The following CSMD2 variants were observed in gnomAD, a reference collection of about 807,000 sequenced individuals.
CSMD2 encodes CUB and sushi domain-containing protein 2.
CSMD2 carries 130 observed loss-of-function variants against 398.5 expected under a neutral mutation model. The ratio of observed to expected loss-of-function variants is 0.33; its 90% CI spans 0.28 to 0.38. CSMD2 has a LOEUF of 0.38. CSMD2 is among the 10% of genes least tolerant of loss of function. The probability of loss-of-function intolerance (pLI) is 1.00; values close to 1 mark genes in which losing one functional copy is unlikely to be tolerated. For synonymous variants in CSMD2, 1,828 were observed against 1,908.5 expected (o/e 0.96, Z 1.10); for missense variants, 3,829 against 4,764.9 (o/e 0.80, Z 5.78).
chr1:33,822,181 G>A (rs776623317), intron 7 of CSMD2, among the ~76,000 whole-genome samples: 9 of 152,168 alleles, frequency 5.9e-5, no homozygotes, highest in Non-Finnish European at 1.3e-4. Flanking sequence ...AGGACAACAA[G>A]AGCCTGGAGT....
At chr1:33,833,249 T>A (rs1430865030) in intron 6 of CSMD2, among the ~76,000 whole-genome samples, 2 of 98,260 alleles carry the variant, frequency 2.0e-5, no homozygotes, top group African/African-American at 4.8e-5. Flanking sequence ...GCAAAAATCC[T>A]CAATAAAATA....
intron 3 of CSMD2, among the ~76,000 whole-genome samples, chr1:34,031,449 G>C (rs1300932001): frequency 1.3e-5 from 2 of 152,106 alleles, no homozygotes; most frequent in Non-Finnish European, 2.9e-5. Context: ...GGAGCCCTCA[G>C]TTAAGGTAAA....
intron 62 of CSMD2, among the ~76,000 whole-genome samples, chr1:33,536,664 G>A (rs893396115): frequency 1.3e-5 from 2 of 152,212 alleles, no homozygotes; most frequent in Non-Finnish European, 2.9e-5. Context: ...GCACATGCTC[G>A]TTGCCACTGT....
At chr1:33,823,297 G>A (rs145140673) in intron 7 of CSMD2, among the ~76,000 whole-genome samples, 45 of 152,318 alleles carry the variant, frequency 3.0e-4, no homozygotes, top group African/African-American at 1.0e-3. Flanking sequence ...GTGGTCCCAC[G>A]AGGATCTTCA....
At chr1:34,119,413 G>C (rs895460242) in intron 1 of CSMD2, among the ~76,000 whole-genome samples, 2 of 152,142 alleles carry the variant, frequency 1.3e-5, no homozygotes, top group African/African-American at 4.8e-5. Context: ...AGCAAAAATA[G>C]ACAAACGAAA....
intron 9 of CSMD2, 117 bp downstream of exon 9, chr1:33,819,596 G>T (rs983950972): frequency 1.9e-5 from 16 of 842,560 alleles, no homozygotes; most frequent in Admixed American, 1.4e-4. Flanking sequence ...CAGGGAGTGA[G>T]GGGGGAGGGG....
At chr1:33,534,553 G>A (rs564255806) in intron 62 of CSMD2, among the ~76,000 whole-genome samples, 4 of 152,068 alleles carry the variant, frequency 2.6e-5, no homozygotes, top group African/African-American at 7.2e-5. Flanking sequence ...CCGCAACCAC[G>A]GGCTCCATCT....
rs746599023 is a variant in CSMD2 at position 33,611,111 on chromosome 1, G to A, written c.6273C>T (p.Ser2091=). Residue 2091 remains serine (S), a synonymous_variant, in exon 41 of 71, where the codon TCC becomes TCT. Transcript: ENST00000373381. ...TGTGGAAATACACGGTGGTCTCGTG[G>A]GACGTGGAGAGGAGGGAGCTTGGAA... The part of the protein sequence containing the change: ...SELPSSLLST[S]HETTVYFHSD... 1 of 1,614,070 alleles carries A rather than the reference G, an allele frequency of 6.2e-7. No individual in the cohort carries two copies. Among genetic ancestry groups the A allele is most frequent in the South Asian group, 1.1e-5 (1 of 91,034 alleles).
intron 62 of CSMD2, among the ~76,000 whole-genome samples, chr1:33,535,366 G>A (rs1316087426): frequency 1.3e-5 from 2 of 152,126 alleles, no homozygotes; most frequent in Non-Finnish European, 2.9e-5. Flanking sequence ...TCACATATGT[G>A]CATACATACC....
chr1:33,842,747 G>A (rs1259418661), intron 6 of CSMD2, among the ~76,000 whole-genome samples: 2 of 152,226 alleles, frequency 1.3e-5, no homozygotes, highest in South Asian at 2.1e-4. Context: ...CATGTGTCAC[G>A]AAATATTATT....
At chr1:33,726,761 A>G (rs1646547085) in intron 15 of CSMD2, 76 bp from the exon 16 acceptor site, 1 of 1,446,170 alleles carries the variant, frequency 6.9e-7, no homozygotes, top group African/African-American at 1.4e-5. Flanking sequence ...TCTCTATAAA[A>G]TGTGTCAGGC....
intron 51 of CSMD2, among the ~76,000 whole-genome samples, chr1:33,570,975 T>A (rs1659543316): frequency 6.6e-6 from 1 of 152,202 alleles, no homozygotes; most frequent in Non-Finnish European, 1.5e-5. Flanking sequence ...CACCCCCTAA[T>A]AAGCCTCTGT....
In CSMD2 at chr1:33,541,302, G is replaced by C; in HGVS notation, c.9285C>G (p.Asn3095Lys). The change falls in exon 59 of 71, where the codon AAC (asparagine) becomes AAG (lysine). Residue 3095 changes from asparagine (N) to lysine (K), a missense_variant. By Grantham distance (94) the Asn-to-Lys change is moderately conservative (BLOSUM62 0). This residue lies in a region of CSMD2 where 917 missense variants were observed against 1,199.5 expected (regional missense o/e 0.76). Coordinates refer to ENST00000373381, the MANE Select transcript of CSMD2 (RefSeq NM_001281956.2). ...TGGCTGGAATCCCAGGGTCACCACA[G>C]TTTATGACTAGGATAAGAGAGATAT... Reference protein sequence around the residue: ...TGSDPECLVINCGDPGIPANG... With the variant: ...TGSDPECLVIKCGDPGIPANG... 6.2e-7 allele frequency: 1 copy of C among 1,613,766 alleles called. No individual in the cohort carries two copies. Among genetic ancestry groups the C allele is most frequent in the Non-Finnish European group, 8.5e-7 (1 of 1,179,730 alleles).
chr1:33,858,517 ATC>A (rs980249086), intron 5 of CSMD2, among the ~76,000 whole-genome samples: 21 of 152,236 alleles, frequency 1.4e-4, no homozygotes, highest in Non-Finnish European at 3.1e-4. Context: ...GGATAAATTA[ATC>A]TCTCTTTTCA....
intron 44 of CSMD2, 23 bp downstream of exon 44, chr1:33,600,842 C>A: frequency 6.2e-7 from 1 of 1,613,146 alleles, no homozygotes; most frequent in South Asian, 1.1e-5. Flanking sequence ...GCCCTTCCCA[C>A]CAGGCCAGGC....
At chr1:34,111,192 T>C (rs2148442935) in intron 1 of CSMD2, among the ~76,000 whole-genome samples, 1 of 152,300 alleles carries the variant, frequency 6.6e-6, no homozygotes, top group African/African-American at 2.4e-5. Context: ...GTTGAATGAA[T>C]GAACAAACTA....
Position 33,842,073 on chromosome 1 carries a change from G to A in CSMD2, c.1033+4811C>T, listed in dbSNP as rs918225378. Among the ~76,000 whole-genome samples the A allele has an allele frequency of 3.9e-5, 6 of 151,954 alleles. No individual in the cohort carries two copies. In the East Asian group the frequency reaches 7.7e-4, roughly 20 times the overall value. ...ATTACCCAGAATCAATGTGTCCCAA[G>A]CAAACTTCATCCCCCATCTGTTTCT... On this transcript the variant is annotated intron_variant, in intron 6 of 70. Coordinates refer to ENST00000373381, the MANE Select transcript of CSMD2 (RefSeq NM_001281956.2).
At chr1:33,567,912 G>A (rs6703172) in intron 52 of CSMD2, 71 bp from the exon 53 acceptor site, 1 of 1,511,390 alleles carries the variant, frequency 6.6e-7, no homozygotes, top group Non-Finnish European at 8.9e-7. Context: ...CTCTCCCTGA[G>A]AGTAGCAATC....
intron 40 of CSMD2, among the ~76,000 whole-genome samples, chr1:33,613,115 G>C (rs1641141214): frequency 6.6e-6 from 1 of 152,186 alleles, no homozygotes; most frequent in South Asian, 2.1e-4. Flanking sequence ...CTGAGACCAG[G>C]TACCAAGTTA....
Sources: gnomAD v4.1 joint callset for allele counts (sites outside exome capture counted in the v4.1 genomes callset) on GRCh38, gnomAD v4.1.1 for gene constraint, gnomAD v4.1.1 regional missense constraint, MANE v1.5 for transcripts, NCBI Gene and HGNC (gene_info 2026-07-23, HGNC 2026-07-21) for gene names.